PRKG1: variants seen among roughly 807,000 people sequenced by gnomAD.
PRKG1 encodes the protein cGMP-dependent protein kinase 1.
In PRKG1, 35 loss-of-function variants were observed where a neutral mutation model predicts 88.1. The ratio of observed to expected loss-of-function variants is 0.40; its 90% confidence interval spans 0.30 to 0.53. PRKG1 has a LOEUF of 0.53. Ranked by LOEUF, PRKG1 falls within the 20% of genes least tolerant of loss-of-function variation. The probability of loss-of-function intolerance (pLI) is 0.59; values close to 1 mark genes in which losing one functional copy is unlikely to be tolerated. For synonymous variants in PRKG1, 303 were observed against 292.5 expected, an observed-to-expected ratio of 1.04 and a Z score of -0.37; for missense variants, 540 against 839.8, an observed-to-expected ratio of 0.64 and a Z score of 4.41.
chr10:51,238,458 C>T (rs906456770), intron 2 of PRKG1, among the ~76,000 whole-genome samples: 7 of 151,918 alleles, frequency 4.6e-5, no homozygotes, highest in African/African-American at 1.7e-4. Context: ...TGGCGGGCCC[C>T]GTTATCCCAG....
At chr10:51,614,721 C>G (rs1839000909) in intron 3 of PRKG1, among the ~76,000 whole-genome samples, 1 of 151,886 alleles carries the variant, frequency 6.6e-6, no homozygotes, top group Admixed American at 6.6e-5. Flanking sequence ...GCATTTCATA[C>G]TTTTGTGTTT....
intron 5 of PRKG1, among the ~76,000 whole-genome samples, chr10:51,946,097 C>T (rs1406499089): frequency 6.6e-6 from 1 of 152,024 alleles, no homozygotes; most frequent in Non-Finnish European, 1.5e-5. Context: ...TCAGATACAC[C>T]AATCAGACGT....
intron 3 of PRKG1, among the ~76,000 whole-genome samples, chr10:51,803,571 C>A (rs2132609184): frequency 6.6e-6 from 1 of 152,230 alleles, no homozygotes; most frequent in Middle Eastern, 3.4e-3. Flanking sequence ...CATGATCCAT[C>A]ACATTCACTG....
chr10:51,072,630 T>G (rs2132799300), upstream of PRKG1, among the ~76,000 whole-genome samples: 1 of 152,278 alleles, frequency 6.6e-6, no homozygotes, highest in East Asian at 1.9e-4. Flanking sequence ...ATATCACATT[T>G]AGAAATAAAT....
intron 5 of PRKG1, among the ~76,000 whole-genome samples, chr10:52,013,682 G>T (rs1048030816): frequency 6.6e-6 from 1 of 152,108 alleles, no homozygotes; most frequent in Non-Finnish European, 1.5e-5. Flanking sequence ...GTAATTGCAG[G>T]CCTTGATTCA....
chr10:51,267,671 AAAGACTTAAATCT>A (rs1406399539), intron 2 of PRKG1, among the ~76,000 whole-genome samples: 2 of 152,220 alleles, frequency 1.3e-5, no homozygotes, highest in Non-Finnish European at 2.9e-5. Flanking sequence ...AAGATGGTTC[AAAGACTTAAATCT>A]AAGGCCTGAA....
chr10:51,912,165 A>T (rs1842232706), intron 5 of PRKG1, among the ~76,000 whole-genome samples: 2 of 152,224 alleles, frequency 1.3e-5, no homozygotes, highest in Admixed American at 1.3e-4. Flanking sequence ...AAGAGCAGAC[A>T]CACCATTTTA....
At chr10:51,380,816 A>C (rs112422789) in intron 2 of PRKG1, among the ~76,000 whole-genome samples, 1 of 152,168 alleles carries the variant, frequency 6.6e-6, no homozygotes, top group African/African-American at 2.4e-5. Flanking sequence ...GTATAACCTT[A>C]TAAGGGGAAT....
At chr10:51,241,491 C>A (rs1351368996) in intron 2 of PRKG1, among the ~76,000 whole-genome samples, 1 of 151,982 alleles carries the variant, frequency 6.6e-6, no homozygotes, top group Non-Finnish European at 1.5e-5. Flanking sequence ...AAAGTAATAC[C>A]CTGCTTTAAG....
intron 1 of PRKG1, among the ~76,000 whole-genome samples, chr10:51,080,030 C>T (rs1465426789): frequency 6.6e-6 from 1 of 152,092 alleles, no homozygotes; most frequent in East Asian, 1.9e-4. Flanking sequence ...AGTCATCTTT[C>T]TTGTTTTTGT....
At position 51,631,560 on chromosome 10, in the gene PRKG1, T is replaced by C. The variant is rs111430297; in HGVS notation, c.592+163724T>C. Among the ~76,000 whole-genome samples the C allele has an allele frequency of 8.3e-3, 1,270 of 152,334 alleles. 14 individuals carry two copies. Among genetic ancestry groups the C allele is most frequent in the Admixed American group, 0.015 (224 of 15,302 alleles). On this transcript the variant is annotated intron_variant, in intron 3 of 17. Coordinates refer to ENST00000373980, the MANE Select transcript of PRKG1 (RefSeq NM_006258.4). ...GAGTCTACAAGCAGTTGATTTGTTA[T>C]GGTCTCTATGCAGTCAAAGCTCTCT...
chr10:51,954,634 T>C (rs1197706046), intron 5 of PRKG1, among the ~76,000 whole-genome samples: 1 of 152,196 alleles, frequency 6.6e-6, no homozygotes. Flanking sequence ...AGACGCCCAC[T>C]TTCTCAGAAC....
At chr10:52,142,809 T>C (rs1564487827) in intron 8 of PRKG1, among the ~76,000 whole-genome samples, 1 of 152,208 alleles carries the variant, frequency 6.6e-6, no homozygotes, top group Non-Finnish European at 1.5e-5. Context: ...TGTACCGTCC[T>C]TTTACTTGCC....
chr10:51,853,158 GTTCT>G (rs1840599611), intron 4 of PRKG1, among the ~76,000 whole-genome samples: 2 of 152,104 alleles, frequency 1.3e-5, no homozygotes, highest in South Asian at 4.2e-4. Context: ...CTAGTCAAAT[GTTCT>G]TTCTAATACA....
intron 2 of PRKG1, among the ~76,000 whole-genome samples, chr10:51,380,003 T>G (rs529024903): frequency 6.6e-6 from 1 of 152,186 alleles, no homozygotes; most frequent in African/African-American, 2.4e-5. Flanking sequence ...ACCAAAGAGA[T>G]ACTGTGCTGT....
At chr10:51,410,370 G>C (rs1384904438) in intron 2 of PRKG1, among the ~76,000 whole-genome samples, 1 of 151,826 alleles carries the variant, frequency 6.6e-6, no homozygotes, top group African/African-American at 2.4e-5. Flanking sequence ...GGAGCAAGGA[G>C]AGCCACTCCG....
chr10:51,474,381 C>T (rs1001345121), intron 3 of PRKG1, among the ~76,000 whole-genome samples: 3 of 151,980 alleles, frequency 2.0e-5, no homozygotes, highest in Non-Finnish European at 4.4e-5. Flanking sequence ...ACTTATACAG[C>T]ATGTTATGGT....
chr10:51,811,916 T>A (rs10999583), intron 4 of PRKG1, among the ~76,000 whole-genome samples: 1,903 of 152,310 alleles, frequency 0.012, 45 homozygotes, highest in African/African-American at 0.043. Context: ...GGATCATTCT[T>A]GGAGAACCAC....
chr10:51,185,789 A>G (rs1837469354), intron 2 of PRKG1, among the ~76,000 whole-genome samples: 1 of 151,148 alleles, frequency 6.6e-6, no homozygotes, highest in Non-Finnish European at 1.5e-5. Flanking sequence ...GACATTTGGT[A>G]TTTGAGTTAT....
Sources: allele counts gnomAD v4.1 joint callset (sites outside exome capture counted in the v4.1 genomes callset), GRCh38; gene constraint gnomAD v4.1.1; transcripts MANE v1.5; gene names NCBI Gene and HGNC (gene_info 2026-07-23, HGNC 2026-07-21).